The following DNAI4 variants were observed in gnomAD, a reference collection of about 807,000 sequenced individuals.
The protein encoded by DNAI4 is WD repeat domain 78.
DNAI4 carries 85 observed loss-of-function variants against 105.8 expected under a neutral mutation model. That is an observed-to-expected ratio of 0.80 (90% CI 0.67 to 0.96). DNAI4 has a LOEUF of 0.96. Among genes scored for constraint, DNAI4 ranks in the 40% least tolerant of loss-of-function variants. The pLI is 0.00. For synonymous variants in DNAI4, 352 were observed against 331.5 expected (o/e 1.06, Z -0.67); for missense variants, 1,014 against 1,005.6 (o/e 1.01, Z -0.11).
intron 1 of DNAI4, among the ~76,000 whole-genome samples, chr1:66,906,170 C>T (rs1411416221): frequency 6.6e-6 from 1 of 152,052 alleles, no homozygotes; most frequent in East Asian, 1.9e-4. Context: ...ATCGTCTCAC[C>T]TCAGCCTCCC....
At chr1:66,830,176 C>G (rs1455472754) in intron 13 of DNAI4, among the ~76,000 whole-genome samples, 2 of 151,336 alleles carry the variant, frequency 1.3e-5, no homozygotes, top group Non-Finnish European at 2.9e-5. Flanking sequence ...CAAATTAAAA[C>G]CAAAGTAAAG....
chr1:66,837,841 T>TTTTATCTGGCTGTTG, intron 9 of DNAI4, 45 bp from the exon 10 acceptor site: 1 of 1,500,718 alleles, frequency 6.7e-7, no homozygotes, highest in Admixed American at 2.0e-5. Flanking sequence ...AAGATAGCAT[T>TTTTATCTGGCTGTTG]AAAATATTGG....
intron 6 of DNAI4, among the ~76,000 whole-genome samples, chr1:66,868,872 T>C (rs1003645430): frequency 6.6e-6 from 1 of 151,696 alleles, no homozygotes; most frequent in Non-Finnish European, 1.5e-5. Flanking sequence ...GGTCAGGAGA[T>C]CGAGACCATC....
rs1218835491 is a variant in DNAI4 at position 66,852,516 on chromosome 1, T to C, written c.1097-4838A>G. 3.9e-5 allele frequency among the ~76,000 whole-genome samples: 6 copies of C among 152,124 alleles called. No individual in the cohort carries two copies. In the East Asian group the frequency reaches 1.2e-3, roughly 29 times the overall value. ...CAGCAATATATAAAAAGAATTATTA[T>C]ACACAATGACCAATTGAAGTTTATT... is the stretch of plus-strand genomic sequence containing the variant. On this transcript the variant is annotated intron_variant, in intron 7 of 16. Transcript: ENST00000371026.
Position 66,924,765 on chromosome 1 carries a change from C to T in DNAI4, c.67G>A (p.Asp23Asn), listed in dbSNP as rs1233746379. ...AANGGAWGYR[D>N]FRGGQKKGWC... is the part of the protein sequence containing the mutation. ...CCCTTTTTTTGGCCGCCTCTGAAGTCCCTGTACCCCCAAGCTCCTCCGTTA... is the reference window on the plus strand; with the variant it reads ...CCCTTTTTTTGGCCGCCTCTGAAGTTCCTGTACCCCCAAGCTCCTCCGTTA... Residue 23 changes from aspartate (D) to asparagine (N), a missense_variant, in exon 1 of 17, where the codon GAC (aspartate) becomes AAC (asparagine). Coordinates refer to ENST00000371026, the MANE Select transcript of DNAI4 (RefSeq NM_024763.5). 6.2e-7 allele frequency: 1 copy of T among 1,614,092 alleles called. No individual in the cohort carries two copies. Among genetic ancestry groups the T allele is most frequent in the Non-Finnish European group, 8.5e-7 (1 of 1,180,048 alleles).
chr1:66,907,374 T>C (rs1203962991), intron 1 of DNAI4, among the ~76,000 whole-genome samples: 1 of 152,172 alleles, frequency 6.6e-6, no homozygotes, highest in Non-Finnish European at 1.5e-5. Context: ...TAATCCACAA[T>C]TTATCAATTG....
chr1:66,896,721 G>T (rs1648367947), intron 2 of DNAI4, among the ~76,000 whole-genome samples: 1 of 152,110 alleles, frequency 6.6e-6, no homozygotes, highest in Admixed American at 6.5e-5. Context: ...CACCACCTCA[G>T]CTCTCTGCAG....
At chr1:66,815,155 T>C (rs1183967252) in intron 16 of DNAI4, among the ~76,000 whole-genome samples, 41 of 152,174 alleles carry the variant, frequency 2.7e-4, no homozygotes, top group Admixed American at 2.7e-3. Context: ...GCACACCAAA[T>C]CAGTTGCCAG....
chr1:66,857,950 A>C (rs1244373149), intron 7 of DNAI4, among the ~76,000 whole-genome samples: 2 of 152,112 alleles, frequency 1.3e-5, no homozygotes, highest in African/African-American at 2.4e-5. Flanking sequence ...ACAAACTACC[A>C]AAACTCACTC....
At position 66,813,528 on chromosome 1, in the gene DNAI4, T is replaced by C. The variant is rs1434967665; in HGVS notation, c.*602A>G. Reference sequence around the variant, plus strand: ...TCCCAGATGAATTTTTCTCACTGAATTGGGAATGTGATAAGCGCTGGTCAA... The same window carrying C: ...TCCCAGATGAATTTTTCTCACTGAACTGGGAATGTGATAAGCGCTGGTCAA... On this transcript the variant is annotated 3_prime_UTR_variant, in exon 17 of 17. Transcript: ENST00000371026. 1.3e-5 allele frequency: 2 copies of C among 152,302 alleles called. No homozygotes were observed. The highest frequency in any genetic ancestry group is 4.8e-5 in the African/African-American group (2 of 41,442). 9.4% of individuals were successfully genotyped at this position (152,302 alleles called of 1,614,324 possible).
At chr1:66,827,481 C>A (rs1383958290) in intron 14 of DNAI4, among the ~76,000 whole-genome samples, 1 of 151,538 alleles carries the variant, frequency 6.6e-6, no homozygotes, top group Non-Finnish European at 1.5e-5. Flanking sequence ...ACAGTGAGAC[C>A]CATCTCTTAA....
chr1:66,902,930 G>A (rs376896852), intron 2 of DNAI4, among the ~76,000 whole-genome samples: 10 of 152,192 alleles, frequency 6.6e-5, no homozygotes, highest in Non-Finnish European at 1.3e-4. Flanking sequence ...CTACCACCCT[G>A]TTTGGATTAC....
At chr1:66,825,211 C>T (rs1375873444) in intron 15 of DNAI4, among the ~76,000 whole-genome samples, 3 of 128,340 alleles carry the variant, frequency 2.3e-5, no homozygotes, top group African/African-American at 8.9e-5. Context: ...CTCGCTCTGT[C>T]GCCCAGGCGG....
intron 2 of DNAI4, among the ~76,000 whole-genome samples, chr1:66,903,226 T>C (rs1488621129): frequency 1.3e-5 from 2 of 152,232 alleles, no homozygotes; most frequent in African/African-American, 4.8e-5. Context: ...TTGTGTTTTG[T>C]AGTTTTCAGC....
rs1463658456 is a variant in DNAI4, at chr1:66,873,883, G to A, written c.800+898C>T. Among the ~76,000 whole-genome samples, 24 of 118,584 alleles carry A rather than the reference G, an allele frequency of 2.0e-4. No homozygotes were observed. The Admixed American group carries it at 2.2e-3, about 11-fold the overall frequency. 77.8% of individuals were successfully genotyped at this position (118,584 alleles called of 152,430 possible). On this transcript the variant is annotated intron_variant, in intron 5 of 16. Coordinates refer to ENST00000371026, the MANE Select transcript of DNAI4 (RefSeq NM_024763.5). ...TTTTTTTTTTTTTTTTTTGGTCCTA[G>A]GAACTTTCCCTTCCTTCTTATGAGC...
chr1:66,874,136 C>G (rs1646912136), intron 5 of DNAI4, among the ~76,000 whole-genome samples: 1 of 151,620 alleles, frequency 6.6e-6, no homozygotes, highest in Non-Finnish European at 1.5e-5. Flanking sequence ...GAGAGCGGAA[C>G]AAGAAAAATT....
chr1:66,862,291 T>C lies in DNAI4; in HGVS notation c.952A>G (p.Thr318Ala). ...TAAGAATCATACAAATCCCAGGCAG[T>C]GGACATTATGCCTAGATAAAGACAC... ...IIMEDKGIMSTAWDLYDSYNA... is the reference protein window; with the variant it reads ...IIMEDKGIMSAAWDLYDSYNA... The change falls in exon 7 of 17, where the codon ACT becomes GCT. Residue 318 changes from threonine to alanine, a missense_variant. Thr to Ala is a moderately conservative substitution (Grantham distance 58, BLOSUM62 0). Transcript: ENST00000371026. 6.2e-7 allele frequency: 1 copy of C among 1,607,100 alleles called. No individual in the cohort carries two copies. The highest frequency in any genetic ancestry group is 8.5e-7 in the Non-Finnish European group (1 of 1,178,068).
At chr1:66,822,300 A>G in intron 16 of DNAI4, 61 bp downstream of exon 16, 1 of 1,394,710 alleles carries the variant, frequency 7.2e-7, no homozygotes, top group Non-Finnish European at 9.7e-7. Context: ...TTTGCATGCT[A>G]CAAAAGTATA....
chr1:66,896,203 T>G (rs532375340), intron 2 of DNAI4, among the ~76,000 whole-genome samples: 55 of 152,356 alleles, frequency 3.6e-4, no homozygotes, highest in Middle Eastern at 3.4e-3. Context: ...TATAAATTTC[T>G]TTAATAGCTT....
Sources: gnomAD v4.1 joint callset for allele counts (sites outside exome capture counted in the v4.1 genomes callset) on GRCh38, gnomAD v4.1.1 for gene constraint, MANE v1.5 for transcripts, NCBI Gene and HGNC (gene_info 2026-07-23, HGNC 2026-07-21) for gene names.